Variants in CDKN2B observed in about 807,000 individuals in gnomAD.
CDKN2B encodes the protein cyclin dependent kinase inhibitor 2B, also known as cyclin-dependent kinase 4 inhibitor B.
Under a neutral mutation model 7.7 loss-of-function variants are expected in CDKN2B, and 8 were observed. That is an observed-to-expected ratio of 1.04 (90% CI 0.61 to 1.87). The LOEUF is 1.87. CDKN2B is among the 40% of genes most tolerant of loss of function. The pLI, the probability that CDKN2B is intolerant of heterozygous loss-of-function variation, is 0.00. For synonymous variants in CDKN2B, 93 were observed against 95.8 expected (o/e 0.97, Z 0.17); for missense variants, 244 against 213.1 (o/e 1.15, Z -0.90).
At position 22,006,859 on chromosome 9, in the gene CDKN2B, C is replaced by T. The variant is rs992490753; in HGVS notation, c.157-612G>A. Among the ~76,000 whole-genome samples, 3 of 151,268 alleles carry T rather than the reference C, an allele frequency of 2.0e-5. No individual in the cohort carries two copies. The highest frequency in any genetic ancestry group is 4.2e-4 in the South Asian group (2 of 4,786). ...CTGGCTTGTAGTGTGATAATTTGAG[C>T]CAAAGTTGGAGATTAGAAGGGAAAA... On this transcript the variant is annotated intron_variant, in intron 1 of 1. Transcript: ENST00000276925. This position sits in a 1 kb window ranked among gnomAD's most constrained non-coding sequence, Gnocchi z 6.4.
In CDKN2B at chr9:22,006,341, C is replaced by G; in HGVS notation, c.157-94G>C. On this transcript the variant is annotated intron_variant, in intron 1 of 1. Coordinates refer to ENST00000276925, the MANE Select transcript of CDKN2B (RefSeq NM_004936.4). The surrounding 1 kb of genome is among the most constrained non-coding windows in gnomAD (Gnocchi z 6.4). ...GCAGGTGGAGCCATTTAAAGAAACACCTAATTGCAAAGTTTTCACCCAGTG... is the reference window on the plus strand; with the variant it reads ...GCAGGTGGAGCCATTTAAAGAAACAGCTAATTGCAAAGTTTTCACCCAGTG... 6.5e-7 allele frequency: 1 copy of G among 1,540,004 alleles called. No individual in the cohort carries two copies. The highest frequency in any genetic ancestry group is 1.2e-5 in the South Asian group (1 of 86,586).
chr9:22,008,637 T>C (rs1399671322), intron 1 of CDKN2B, 161 bp downstream of exon 1: 5 of 1,590,198 alleles, frequency 3.1e-6, no homozygotes, highest in Non-Finnish European at 3.4e-6. Context: ...TTAGGATTTT[T>C]GCTGGGTAAA....
chr9:22,007,470 C>T (rs1488038971), intron 1 of CDKN2B, among the ~76,000 whole-genome samples: 1 of 152,034 alleles, frequency 6.6e-6, no homozygotes, highest in Non-Finnish European at 1.5e-5. Flanking sequence ...CTGTAGCAGC[C>T]ATTTGTGTAC....
Position 22,003,283 on chromosome 9 carries a change from A to T in CDKN2B, c.*2704T>A, listed in dbSNP as rs1821002486. ...GTTTGAGGTTTGCTTTAAATAAAAA[A>T]AACTAACAAAACAAACAAAAAAAAC... On this transcript the variant is annotated 3_prime_UTR_variant, in exon 2 of 2. Coordinates refer to ENST00000276925, the MANE Select transcript of CDKN2B (RefSeq NM_004936.4). 1 of 205,994 alleles carries T rather than the reference A, an allele frequency of 4.9e-6. No individual in the cohort carries two copies. The highest frequency in any genetic ancestry group is 2.3e-5 in the African/African-American group (1 of 43,910). The allele number at this position is 205,994 out of a possible 1,614,324, so 12.8% of individuals were successfully genotyped here.
In CDKN2B at chr9:22,005,834, G is replaced by A. The variant is rs1158517335; in HGVS notation, c.*153C>T. 1 of 959,390 alleles carries A rather than the reference G, an allele frequency of 1.0e-6. No homozygotes were observed. The highest frequency in any genetic ancestry group is 2.6e-5 in the East Asian group (1 of 37,994). 59.4% of individuals were successfully genotyped at this position (959,390 alleles called of 1,614,324 possible). A position where few individuals can be genotyped will look rare whatever the true frequency, so the allele number is the denominator to read the frequency against. ...AAAAAATGTATGGAAGGTTATTCCC[G>A]GTCGGCTCCTCCTTCCTGTGAGTCT... On this transcript the variant is annotated 3_prime_UTR_variant, in exon 2 of 2. Transcript: ENST00000276925. The surrounding 1 kb of genome is among the most constrained non-coding windows in gnomAD (Gnocchi z 4.9).
chr9:22,009,217 C>G lies in CDKN2B; in HGVS notation c.-264G>C, dbSNP rs1258286924. On this transcript the variant is annotated 5_prime_UTR_variant, in exon 1 of 2. Transcript: ENST00000276925. ...ATTGCTTCTGGGAAAAAGCGCCTAG[C>G]GCGGACGCAGCCGAGCTCAAAGCCG... The G allele has an allele frequency of 1.7e-6, 1 of 593,038 alleles. No individual in the cohort carries two copies. The highest frequency in any genetic ancestry group is 2.9e-5 in the East Asian group (1 of 34,428). The allele number at this position is 593,038 out of a possible 1,614,324, so 36.7% of individuals were successfully genotyped here. A position where few individuals can be genotyped will look rare whatever the true frequency, so the allele number is the denominator to read the frequency against.
In CDKN2B at chr9:22,007,274, A is replaced by C. The variant is rs149099202; in HGVS notation, c.157-1027T>G. Among the ~76,000 whole-genome samples the C allele has an allele frequency of 5.4e-3, 815 of 152,272 alleles. 6 individuals are homozygous for C. Among genetic ancestry groups the C allele is most frequent in the African/African-American group, 0.019 (783 of 41,552 alleles). On this transcript the variant is annotated intron_variant, in intron 1 of 1. Coordinates refer to ENST00000276925, the MANE Select transcript of CDKN2B (RefSeq NM_004936.4). ...CAACTCAGGAGGCTGAGGCAGGAGA[A>C]TCGCTTGCATCCTGGAAGAGGTTGC... is the stretch of plus-strand genomic sequence containing the variant.
At position 22,008,895 on chromosome 9, in the gene CDKN2B, C is replaced by G. The variant is rs945208403; in HGVS notation, c.59G>C (p.Ser20Thr). 18 of 1,612,710 alleles carry G rather than the reference C, an allele frequency of 1.1e-5. No homozygotes were observed. The highest frequency in any genetic ancestry group is 1.4e-5 in the Non-Finnish European group (16 of 1,179,834). The change falls in exon 1 of 2, where the codon AGC becomes ACC. Residue 20 changes from serine to threonine, a missense_variant. Ser to Thr is a moderately conservative substitution (Grantham distance 58). Transcript: ENST00000276925. ...CTCCACTAGTCCCCGCGCCGCGGCG[C>G]TGGCCAGACCCTCATCGCTGCCGCC... Reference protein sequence around the residue: ...SGGGSDEGLASAAARGLVEKV... With the variant: ...SGGGSDEGLATAAARGLVEKV...
intron 1 of CDKN2B, chr9:22,008,557 T>G: frequency 9.3e-7 from 1 of 1,076,920 alleles, no homozygotes. Flanking sequence ...TCCTTGCATC[T>G]CTGATCATGA....
chr9:22,009,119 C>G lies in CDKN2B; in HGVS notation c.-166G>C, dbSNP rs1373907884. The G allele has an allele frequency of 2.0e-6, 2 of 982,888 alleles. No homozygotes were observed. The highest frequency in any genetic ancestry group is 1.5e-6 in the Non-Finnish European group (1 of 652,960). The allele number at this position is 982,888 out of a possible 1,614,324, so 60.9% of individuals were successfully genotyped here. ...GTCGTCCTTCTGCGGCTTGGGGCCC[C>G]GTGCAGTGGCCGAGCGGCCGGTCGT... On this transcript the variant is annotated 5_prime_UTR_variant, in exon 1 of 2. Transcript: ENST00000276925.
chr9:22,008,239 A>G (rs949622028), intron 1 of CDKN2B, among the ~76,000 whole-genome samples: 4 of 152,318 alleles, frequency 2.6e-5, no homozygotes, highest in South Asian at 2.1e-4. Context: ...ATAGAACTAT[A>G]TATTTTTTCT....
chr9:22,005,869 T>G lies in CDKN2B; in HGVS notation c.*118A>C. 7.3e-7 allele frequency: 1 copy of G among 1,377,130 alleles called. No individual in the cohort carries two copies. 85.3% of individuals were successfully genotyped at this position (1,377,130 alleles called of 1,614,324 possible). A position where few individuals can be genotyped will look rare whatever the true frequency, so the allele number is the denominator to read the frequency against. On this transcript the variant is annotated 3_prime_UTR_variant, in exon 2 of 2. Coordinates refer to ENST00000276925, the MANE Select transcript of CDKN2B (RefSeq NM_004936.4). This position sits in a 1 kb window ranked among gnomAD's most constrained non-coding sequence, Gnocchi z 4.9. ...TCCTTCCTGTGAGTCTCAGACAGGC[T>G]TGCAGGCTTACAGGCTTTCCGCCGC...
At position 22,003,804 on chromosome 9, in the gene CDKN2B, C is replaced by T. The variant is rs1384678517; in HGVS notation, c.*2183G>A. 2.6e-5 allele frequency: 6 copies of T among 231,690 alleles called. No homozygotes were observed. The highest frequency in any genetic ancestry group is 4.4e-5 in the African/African-American group (2 of 45,194). The allele number at this position is 231,690 out of a possible 1,614,324, so 14.4% of individuals were successfully genotyped here. Reference sequence around the variant, plus strand: ...ATTTTAAAATAGTTTTCAAACAAACCGTTTATATTTACTAGAAGTTAGAGA... The same window carrying T: ...ATTTTAAAATAGTTTTCAAACAAACTGTTTATATTTACTAGAAGTTAGAGA... On this transcript the variant is annotated 3_prime_UTR_variant, in exon 2 of 2. Transcript: ENST00000276925.
chr9:22,008,023 G>A (rs974635439), intron 1 of CDKN2B, among the ~76,000 whole-genome samples: 1 of 152,062 alleles, frequency 6.6e-6, no homozygotes, highest in Non-Finnish European at 1.5e-5. Context: ...CAAAAGAGTT[G>A]TCCGAGATTG....
rs1266391374 is a variant in CDKN2B, at chr9:22,004,504, C to G, written c.*1483G>C. 1 of 232,518 alleles carries G rather than the reference C, an allele frequency of 4.3e-6. No homozygotes were observed. The highest frequency in any genetic ancestry group is 6.1e-5 in the East Asian group (1 of 16,418). The allele number at this position is 232,518 out of a possible 1,614,324, so 14.4% of individuals were successfully genotyped here. A position where few individuals can be genotyped will look rare whatever the true frequency, so the allele number is the denominator to read the frequency against. On this transcript the variant is annotated 3_prime_UTR_variant, in exon 2 of 2. Transcript: ENST00000276925. ...ACCCCTGTGAACCTTTAACATTTCT[C>G]AGGAGTTAGTGGTAAACCCATGAAC... is the stretch of plus-strand genomic sequence containing the variant.
Position 22,005,112 on chromosome 9 carries a change from ATGTGTGTGTGTGTG to A in CDKN2B, c.*861_*874del, listed in dbSNP as rs3028393. ...CATAAGGGGATTTCCGCATCCTAGCATGTGTGTGTGTGTGTGTGTGTGTGTGTGTGAAAGAAAAC... is the reference window on the plus strand; with the variant it reads ...CATAAGGGGATTTCCGCATCCTAGCATGTGTGTGTGTGTGTGAAAGAAAAC... On this transcript the variant is annotated 3_prime_UTR_variant, in exon 2 of 2. Coordinates refer to ENST00000276925, the MANE Select transcript of CDKN2B (RefSeq NM_004936.4). This position sits in a 1 kb window ranked among gnomAD's most constrained non-coding sequence, Gnocchi z 4.9. 224 of 225,488 alleles carry A rather than the reference ATGTGTGTGTGTGTG, an allele frequency of 9.9e-4. 4 individuals are homozygous for A. In the East Asian group the frequency reaches 0.012, roughly 12 times the overall value. The allele number at this position is 225,488 out of a possible 1,614,324, so 14.0% of individuals were successfully genotyped here. A position where few individuals can be genotyped will look rare whatever the true frequency, so the allele number is the denominator to read the frequency against.
At chr9:22,007,571 A>T (rs1255572696) in intron 1 of CDKN2B, among the ~76,000 whole-genome samples, 5 of 152,148 alleles carry the variant, frequency 3.3e-5, no homozygotes, top group Non-Finnish European at 5.9e-5. Context: ...GTTATTTGTT[A>T]TGGGTTTATG....
rs1821055881 is a variant in CDKN2B, at chr9:22,004,181, A to G, written c.*1806T>C. The G allele has an allele frequency of 4.3e-6, 1 of 232,366 alleles. No homozygotes were observed. The highest frequency in any genetic ancestry group is 8.5e-6 in the Non-Finnish European group (1 of 117,606). The allele number at this position is 232,366 out of a possible 1,614,324, so 14.4% of individuals were successfully genotyped here. On this transcript the variant is annotated 3_prime_UTR_variant, in exon 2 of 2. Coordinates refer to ENST00000276925, the MANE Select transcript of CDKN2B (RefSeq NM_004936.4). ...AAACATATCCTTTCCCCAATAACATATGCTCTGATTCTCAACTAACTTTCC... is the reference window on the plus strand; with the variant it reads ...AAACATATCCTTTCCCCAATAACATGTGCTCTGATTCTCAACTAACTTTCC...
Position 22,003,489 on chromosome 9 carries a change from C to G in CDKN2B, c.*2498G>C, listed in dbSNP as rs1410724723. ...TAATGCAACTAGCAAATTTAAACAT[C>G]TTGGAATTTAAGATATAGAGGTCAA... On this transcript the variant is annotated 3_prime_UTR_variant, in exon 2 of 2. Transcript: ENST00000276925. 3 of 228,458 alleles carry G rather than the reference C, an allele frequency of 1.3e-5. No individual in the cohort carries two copies. In the East Asian group the frequency reaches 1.9e-4, roughly 14 times the overall value. The allele number at this position is 228,458 out of a possible 1,614,324, so 14.2% of individuals were successfully genotyped here. A position where few individuals can be genotyped will look rare whatever the true frequency, so the allele number is the denominator to read the frequency against.
Sources: allele counts gnomAD v4.1 joint callset (sites outside exome capture counted in the v4.1 genomes callset), GRCh38; gene constraint gnomAD v4.1.1; non-coding constraint Gnocchi (gnomAD v3.1); transcripts MANE v1.5; gene names NCBI Gene and HGNC (gene_info 2026-07-23, HGNC 2026-07-21).